KHDRBS2: variants seen among roughly 807,000 people sequenced by gnomAD.
KHDRBS2 encodes the protein KH domain-containing, RNA-binding, signal transduction-associated protein 2.
In KHDRBS2, 26 loss-of-function variants were observed where a neutral mutation model predicts 44.3. That is an observed-to-expected ratio of 0.59 (90% CI 0.43 to 0.81). KHDRBS2 has a LOEUF of 0.81. Among genes scored for constraint, KHDRBS2 ranks in the 40% least tolerant of loss-of-function variants. KHDRBS2 has a pLI of 0.00. For missense variants in KHDRBS2, 476 were observed against 433.1 expected, an observed-to-expected ratio of 1.10 and a Z score of -0.88; for synonymous variants, 194 against 151.1, an observed-to-expected ratio of 1.28 and a Z score of -2.08.
chr6:62,264,854 G>A (rs1838938366), intron 1 of KHDRBS2, among the ~76,000 whole-genome samples: 1 of 151,546 alleles, frequency 6.6e-6, no homozygotes, highest in Non-Finnish European at 1.5e-5. Flanking sequence ...CAAAAATTAG[G>A]TGGCATTAAA....
intron 6 of KHDRBS2, among the ~76,000 whole-genome samples, chr6:61,848,576 CATATATAT>C (rs767893776): frequency 3.3e-5 from 1 of 30,032 alleles, no homozygotes; most frequent in African/African-American, 1.4e-4. Context: ...TATATATATA[CATATATAT>C]ATATATATAC....
chr6:61,568,860 A>G, the KHDRBS2 span, among the ~76,000 whole-genome samples: 2 of 152,212 alleles, frequency 1.3e-5, no homozygotes, highest in Non-Finnish European at 2.9e-5. Flanking sequence ...CAGAGGGCAA[A>G]AGAATCTTCC....
chr6:61,777,407 T>C (rs1782245901), intron 6 of KHDRBS2, among the ~76,000 whole-genome samples: 1 of 152,172 alleles, frequency 6.6e-6, no homozygotes, highest in Non-Finnish European at 1.5e-5. Flanking sequence ...TGCTGTGTTG[T>C]CAACTCATTG....
intron 6 of KHDRBS2, among the ~76,000 whole-genome samples, chr6:61,750,735 T>C (rs1432147861): frequency 2.0e-5 from 3 of 150,398 alleles, no homozygotes; most frequent in Admixed American, 6.7e-5. Context: ...CCTTTCTTCT[T>C]CTCATTTATG....
At chr6:61,946,424 C>T (rs1362104456) in intron 4 of KHDRBS2, among the ~76,000 whole-genome samples, 1 of 152,166 alleles carries the variant, frequency 6.6e-6, no homozygotes, top group African/African-American at 2.4e-5. Flanking sequence ...GACCTGTGTA[C>T]AGGAGAGTGC....
At chr6:61,855,955 C>T (rs1369629615) in intron 6 of KHDRBS2, among the ~76,000 whole-genome samples, 1 of 152,060 alleles carries the variant, frequency 6.6e-6, no homozygotes, top group Non-Finnish European at 1.5e-5. Flanking sequence ...AAACTACTTG[C>T]ACTCAAATCT....
intron 3 of KHDRBS2, among the ~76,000 whole-genome samples, chr6:61,979,353 C>T (rs1421653863): frequency 6.6e-6 from 1 of 151,930 alleles, no homozygotes; most frequent in Admixed American, 6.6e-5. Flanking sequence ...CACTAAATTT[C>T]AAAAAATAAA....
chr6:62,126,341 C>T (rs2150086461), intron 2 of KHDRBS2, among the ~76,000 whole-genome samples: 1 of 152,236 alleles, frequency 6.6e-6, no homozygotes, highest in South Asian at 2.1e-4. Context: ...AATAGAGCAC[C>T]AGGTAGATTT....
At chr6:62,036,997 C>T (rs955217631) in intron 3 of KHDRBS2, among the ~76,000 whole-genome samples, 16 of 151,980 alleles carry the variant, frequency 1.1e-4, no homozygotes, top group Admixed American at 2.0e-4. Flanking sequence ...CTAAATGTTG[C>T]CCAAGTTTAA....
chr6:62,096,451 C>G (rs1800622943), intron 2 of KHDRBS2, among the ~76,000 whole-genome samples: 1 of 151,728 alleles, frequency 6.6e-6, no homozygotes, highest in African/African-American at 2.4e-5. Flanking sequence ...CAATCTTGGT[C>G]AGCTCTATGT....
intron 3 of KHDRBS2, among the ~76,000 whole-genome samples, chr6:61,983,391 T>A (rs779036899): frequency 2.6e-5 from 4 of 151,728 alleles, no homozygotes; most frequent in Non-Finnish European, 5.9e-5. Context: ...TAAGACTGAC[T>A]TTATGGAGCC....
intron 2 of KHDRBS2, among the ~76,000 whole-genome samples, chr6:62,122,449 C>T (rs1351161656): frequency 6.6e-6 from 1 of 152,306 alleles, no homozygotes; most frequent in East Asian, 1.9e-4. Flanking sequence ...TGGGCTTGTG[C>T]AGCAGCATTC....
chr6:62,165,289 T>G (rs1818445405), intron 2 of KHDRBS2, among the ~76,000 whole-genome samples: 1 of 150,438 alleles, frequency 6.6e-6, no homozygotes, highest in Non-Finnish European at 1.5e-5. Flanking sequence ...TGGCGCTTAA[T>G]TTTAATTAGA....
intron 2 of KHDRBS2, among the ~76,000 whole-genome samples, chr6:62,121,652 A>G (rs1288875017): frequency 6.6e-6 from 1 of 152,212 alleles, no homozygotes; most frequent in African/African-American, 2.4e-5. Context: ...CCTCAGGGGT[A>G]TATCATCTCC....
intron 7 of KHDRBS2, among the ~76,000 whole-genome samples, chr6:61,729,298 A>C (rs544919421): frequency 2.6e-5 from 4 of 152,180 alleles, no homozygotes; most frequent in African/African-American, 9.6e-5. Flanking sequence ...GGGCACATAG[A>C]GGGGAACAAC....
the KHDRBS2 span, among the ~76,000 whole-genome samples, chr6:61,600,834 C>G: frequency 6.6e-6 from 1 of 152,204 alleles, no homozygotes; most frequent in African/African-American, 2.4e-5. Context: ...CCCACAACCT[C>G]TTTCTCCTTT....
chr6:61,911,314 G>A (rs1461785875), intron 4 of KHDRBS2, among the ~76,000 whole-genome samples: 1 of 152,106 alleles, frequency 6.6e-6, no homozygotes, highest in Non-Finnish European at 1.5e-5. Context: ...TTTCTGAGGA[G>A]CAAATAAGTA....
chr6:62,190,712 A>G lies in KHDRBS2; in HGVS notation c.92-13400T>C, dbSNP rs116414700. On this transcript the variant is annotated intron_variant, in intron 1 of 8. Coordinates refer to ENST00000281156, the MANE Select transcript of KHDRBS2 (RefSeq NM_152688.4). Reference sequence around the variant, plus strand: ...CATCTCAAACTGTACTTTAAAACCTATTAGCTCTAAAACCTATTCTTTCAC... The same window carrying G: ...CATCTCAAACTGTACTTTAAAACCTGTTAGCTCTAAAACCTATTCTTTCAC... Among the ~76,000 whole-genome samples, 423 of 152,224 alleles carry G rather than the reference A, an allele frequency of 2.8e-3. 3 individuals carry two copies. The highest frequency in any genetic ancestry group is 8.5e-3 in the African/African-American group (354 of 41,564).
intron 6 of KHDRBS2, among the ~76,000 whole-genome samples, chr6:61,826,961 T>C (rs1407154750): frequency 2.6e-5 from 4 of 152,210 alleles, no homozygotes; most frequent in Admixed American, 6.5e-5. Context: ...AATTATTCGA[T>C]ATCTATCAGA....
Sources: allele counts gnomAD v4.1 joint callset (sites outside exome capture counted in the v4.1 genomes callset), GRCh38; gene constraint gnomAD v4.1.1; transcripts MANE v1.5; gene names NCBI Gene and HGNC (gene_info 2026-07-23, HGNC 2026-07-21).